The following FHOD3 variants were observed in gnomAD, a reference collection of about 807,000 sequenced individuals.
FHOD3 encodes the protein FH1/FH2 domain-containing protein 3.
A neutral mutation model predicts 173.0 loss-of-function variants in FHOD3; 90 were observed. That is an observed-to-expected ratio of 0.52 (90% confidence interval 0.44 to 0.62). The LOEUF is 0.62. Among genes scored for constraint, FHOD3 ranks in the 20% least tolerant of loss-of-function variants. FHOD3 has a pLI of 0.00. For missense variants in FHOD3, 1,945 were observed against 2,034.7 expected (o/e 0.96, Z 0.85); for synonymous variants, 828 against 823.0 (o/e 1.01, Z -0.10).
intron 14 of FHOD3, among the ~76,000 whole-genome samples, chr18:36,673,571 C>A (rs1456878734): frequency 6.6e-6 from 1 of 152,064 alleles, no homozygotes. Context: ...GTGAACACTC[C>A]CAGAGAGCAG....
chr18:36,760,503 A>G, intron 26 of FHOD3, 105 bp from the exon 27 acceptor site: 2 of 1,115,018 alleles, frequency 1.8e-6, no homozygotes, highest in Non-Finnish European at 2.5e-6. Flanking sequence ...CTGCAAACAA[A>G]ACAAGACAGA....
At chr18:36,427,634 A>C (rs1443843421) in intron 3 of FHOD3, among the ~76,000 whole-genome samples, 3 of 152,248 alleles carry the variant, frequency 2.0e-5, no homozygotes, top group African/African-American at 7.2e-5. Flanking sequence ...GGTTGCAACC[A>C]GTAGCTGCTA....
chr18:36,339,974 C>A (rs1277599336), intron 1 of FHOD3, among the ~76,000 whole-genome samples: 1 of 152,140 alleles, frequency 6.6e-6, no homozygotes, highest in African/African-American at 2.4e-5. Flanking sequence ...ATTGGTGGCT[C>A]ACATTAATGA....
chr18:36,444,488 A>C (rs1389549418), intron 3 of FHOD3, among the ~76,000 whole-genome samples: 1 of 152,192 alleles, frequency 6.6e-6, no homozygotes, highest in Non-Finnish European at 1.5e-5. Context: ...AGACCAGAGA[A>C]GTGTGAATTA....
intron 17 of FHOD3, among the ~76,000 whole-genome samples, chr18:36,697,440 A>G (rs1240718027): frequency 6.6e-6 from 1 of 152,256 alleles, no homozygotes; most frequent in East Asian, 1.9e-4. Context: ...AAGCAAAATT[A>G]TGTCTACAGT....
chr18:36,389,397 T>C (rs1308431789), intron 3 of FHOD3, among the ~76,000 whole-genome samples: 1 of 152,200 alleles, frequency 6.6e-6, no homozygotes, highest in Non-Finnish European at 1.5e-5. Context: ...TTGTGGAGAA[T>C]GCACAGGGTT....
intron 9 of FHOD3, among the ~76,000 whole-genome samples, chr18:36,621,452 C>T (rs1258203029): frequency 3.3e-5 from 5 of 152,160 alleles, no homozygotes; most frequent in Non-Finnish European, 7.3e-5. Context: ...CACTCAGCTG[C>T]AGTTATCTAG....
At chr18:36,663,249 C>A in intron 14 of FHOD3, among the ~76,000 whole-genome samples, 1 of 152,204 alleles carries the variant, frequency 6.6e-6, no homozygotes, top group East Asian at 1.9e-4. Flanking sequence ...CTTTTTCATA[C>A]ATTCAACAAC....
At chr18:36,745,036 C>A (rs1207101410) in intron 23 of FHOD3, among the ~76,000 whole-genome samples, 2 of 152,130 alleles carry the variant, frequency 1.3e-5, no homozygotes, top group Non-Finnish European at 2.9e-5. Flanking sequence ...GTGTTGGAAT[C>A]CAGCATGAGA....
chr18:36,735,333 C>T (rs1357244022), intron 20 of FHOD3, among the ~76,000 whole-genome samples: 3 of 152,220 alleles, frequency 2.0e-5, no homozygotes, highest in African/African-American at 7.2e-5. Context: ...AACCTGACCA[C>T]AGAGAGTCAC....
chr18:36,508,646 C>CAAAA (rs56780791), intron 4 of FHOD3, among the ~76,000 whole-genome samples: 1 of 109,060 alleles, frequency 9.2e-6, no homozygotes, highest in Non-Finnish European at 2.1e-5. Context: ...AATGGATTGA[C>CAAAA]AAAAAAAAAA....
At chr18:36,672,701 T>C (rs1176216109) in intron 14 of FHOD3, among the ~76,000 whole-genome samples, 1 of 152,040 alleles carries the variant, frequency 6.6e-6, no homozygotes, top group East Asian at 1.9e-4. Context: ...TTTAAAGGAG[T>C]TGCTGCAATA....
chr18:36,687,936 CAT>C (rs774801707), intron 16 of FHOD3, among the ~76,000 whole-genome samples: 3 of 152,012 alleles, frequency 2.0e-5, no homozygotes, highest in African/African-American at 4.8e-5. Flanking sequence ...GTAAGAAAAA[CAT>C]ATATGAGATA....
intron 3 of FHOD3, among the ~76,000 whole-genome samples, chr18:36,439,567 G>GTGTGTGTA (rs1486755510): frequency 1.9e-4 from 28 of 146,030 alleles, no homozygotes; most frequent in African/African-American, 7.3e-4. Flanking sequence ...GTGTGTGTGT[G>GTGTGTGTA]TATGTATGTA....
intron 3 of FHOD3, among the ~76,000 whole-genome samples, chr18:36,492,218 G>A (rs1304446496): frequency 6.6e-6 from 1 of 152,078 alleles, no homozygotes. Flanking sequence ...TCTTTGCACA[G>A]CATTTCTCAC....
intron 19 of FHOD3, among the ~76,000 whole-genome samples, chr18:36,722,198 A>G (rs1224796644): frequency 6.6e-6 from 1 of 152,224 alleles, no homozygotes; most frequent in African/African-American, 2.4e-5. Context: ...CTGCTGGTCT[A>G]AGATGTGGTG....
intron 5 of FHOD3, among the ~76,000 whole-genome samples, chr18:36,514,619 A>G (rs1358620118): frequency 6.6e-6 from 1 of 152,232 alleles, no homozygotes; most frequent in Non-Finnish European, 1.5e-5. Flanking sequence ...TCATTTTAAC[A>G]TTACCAAAAA....
At chr18:36,349,300 C>T (rs1033274183) in intron 1 of FHOD3, among the ~76,000 whole-genome samples, 4 of 152,160 alleles carry the variant, frequency 2.6e-5, no homozygotes, top group East Asian at 3.9e-4. Context: ...CCAGGTCACA[C>T]GTGACACTGT....
chr18:36,349,313 A>G (rs960490787), intron 1 of FHOD3, among the ~76,000 whole-genome samples: 2 of 152,200 alleles, frequency 1.3e-5, no homozygotes, highest in African/African-American at 4.8e-5. Flanking sequence ...GACACTGTCC[A>G]TTGGCCAAAG....
Sources: allele counts gnomAD v4.1 joint callset (sites outside exome capture counted in the v4.1 genomes callset), GRCh38; gene constraint gnomAD v4.1.1; transcripts MANE v1.5; gene names NCBI Gene and HGNC (gene_info 2026-07-23, HGNC 2026-07-21).